SLC5A11: variants seen among roughly 807,000 people sequenced by gnomAD.
SLC5A11 encodes sodium/myo-inositol cotransporter 2.
Under a neutral mutation model 69.8 loss-of-function variants are expected in SLC5A11, and 48 were observed. The observed-to-expected ratio is 0.69, with a 90% CI of 0.55 to 0.87. SLC5A11 has a LOEUF of 0.87. Among genes scored for constraint, SLC5A11 ranks in the 40% least tolerant of loss-of-function variants. The pLI is 0.00. For synonymous variants in SLC5A11, 319 were observed against 342.4 expected (o/e 0.93, Z 0.75); for missense variants, 784 against 866.1 (o/e 0.91, Z 1.19).
chr16:24,858,694 T>C (rs769753788), exon 2 of SLC5A11: 35 of 1,611,834 alleles, frequency 2.2e-5, no homozygotes, highest in Non-Finnish European at 2.7e-5. Context: ...ATCCCCTGGA[T>C]GCGTTTCCCC....
At chr16:24,880,553 C>T (rs980572328) in intron 7 of SLC5A11, among the ~76,000 whole-genome samples, 4 of 152,104 alleles carry the variant, frequency 2.6e-5, no homozygotes, top group African/African-American at 9.7e-5. Context: ...AGGCTGGTTT[C>T]GAACTCCCAT....
rs758043602 is a variant in SLC5A11, at chr16:24,911,425, A to C, written c.1920A>C (p.Glu640Asp). The change falls in exon 16 of 16, where the codon GAA becomes GAC. Residue 640 changes from glutamate (E) to aspartate (D), a missense_variant. By Grantham distance (45) the Glu-to-Asp change is conservative. Around this residue, in one of 3 missense-constraint regions of SLC5A11, gnomAD observed 550 missense variants for 606.4 expected, o/e 0.91. Transcript: ENST00000347898. ...AGGAAGAGCTCCCGGCCAGAGCAGAAGCCATCATAGTTTCCCTGGAAGAAA... is the reference window on the plus strand; with the variant it reads ...AGGAAGAGCTCCCGGCCAGAGCAGACGCCATCATAGTTTCCCTGGAAGAAA... The C allele has an allele frequency of 6.2e-6, 10 of 1,613,978 alleles. No homozygotes were observed. The African/African-American group carries it at 1.3e-4, about 22-fold the overall frequency.
chr16:24,879,250 G>C (rs1407265825), intron 7 of SLC5A11, among the ~76,000 whole-genome samples: 1 of 151,822 alleles, frequency 6.6e-6, no homozygotes, highest in Non-Finnish European at 1.5e-5. Flanking sequence ...GGTACATGCA[G>C]GTTTGTTAAT....
At chr16:24,904,901 C>T (rs947802498) in intron 10 of SLC5A11, among the ~76,000 whole-genome samples, 1 of 152,108 alleles carries the variant, frequency 6.6e-6, no homozygotes, top group Non-Finnish European at 1.5e-5. Context: ...TTAAGCTCCA[C>T]GTGCATTAGG....
At chr16:24,900,263 A>G (rs1413214954) in intron 10 of SLC5A11, among the ~76,000 whole-genome samples, 1 of 152,222 alleles carries the variant, frequency 6.6e-6, no homozygotes, top group African/African-American at 2.4e-5. Flanking sequence ...TGGAAAGCAG[A>G]AAGTTTCCTC....
intron 1 of SLC5A11, among the ~76,000 whole-genome samples, chr16:24,850,255 C>T (rs553070978): frequency 6.6e-6 from 1 of 152,322 alleles, no homozygotes; most frequent in East Asian, 1.9e-4. Flanking sequence ...CAGCCAGGAT[C>T]TGTCTTTTTG....
Position 24,877,412 on chromosome 16 carries a change from T to C in SLC5A11, c.583+49T>C, listed in dbSNP as rs145866392. On this transcript the variant is annotated intron_variant, in intron 7 of 15. Transcript: ENST00000347898. ...CCTAGCAGAGGCAGTGGGCAGGGGCTGTGGGCCACTCTACCTTCTCCTTGC... is the reference window on the plus strand; with the variant it reads ...CCTAGCAGAGGCAGTGGGCAGGGGCCGTGGGCCACTCTACCTTCTCCTTGC... 1,052 of 1,396,620 alleles carry C rather than the reference T, an allele frequency of 7.5e-4. 12 individuals are homozygous for C. In the East Asian group the frequency reaches 0.021, roughly 28 times the overall value. 86.5% of individuals were successfully genotyped at this position (1,396,620 alleles called of 1,614,324 possible).
At chr16:24,892,586 C>T (rs1490547234) in intron 9 of SLC5A11, among the ~76,000 whole-genome samples, 3 of 151,814 alleles carry the variant, frequency 2.0e-5, no homozygotes, top group African/African-American at 7.3e-5. Context: ...GAATGAGAGC[C>T]GATTTACTGC....
At chr16:24,906,690 A>G in exon 11 of SLC5A11, 1 of 1,613,242 alleles carries the variant, frequency 6.2e-7, no homozygotes, top group Non-Finnish European at 8.5e-7. Flanking sequence ...GAGATCTGCC[A>G]GAAGATCTGC....
At chr16:24,881,852 G>C (rs563446635) in intron 7 of SLC5A11, among the ~76,000 whole-genome samples, 1 of 152,254 alleles carries the variant, frequency 6.6e-6, no homozygotes, top group Admixed American at 6.5e-5. Context: ...CTGGTGGTAA[G>C]AGTGGGATTG....
intron 9 of SLC5A11, among the ~76,000 whole-genome samples, chr16:24,892,484 T>C (rs1326247174): frequency 1.3e-5 from 2 of 151,250 alleles, no homozygotes; most frequent in Non-Finnish European, 2.9e-5. Flanking sequence ...ATATTTGCAT[T>C]TGCTTATATG....
chr16:24,888,427 G>GA (rs140636300), intron 8 of SLC5A11, among the ~76,000 whole-genome samples: 5,736 of 143,174 alleles, frequency 0.04, 378 homozygotes, highest in African/African-American at 0.14. Flanking sequence ...TAGTGATTTA[G>GA]AAAAAAGAAG....
intron 1 of SLC5A11, among the ~76,000 whole-genome samples, chr16:24,855,352 A>C (rs1159049869): frequency 1.3e-5 from 2 of 151,352 alleles, no homozygotes; most frequent in Non-Finnish European, 2.9e-5. Flanking sequence ...TTATAATCCC[A>C]GCACTTTGAG....
In SLC5A11 at chr16:24,872,015, G is replaced by C. The variant is rs1279622212; in HGVS notation, c.313-145G>C. ...CCATGTTAAAAAAGGAAATTTGAAG[G>C]CCAGCACAGGTGAACCACTCAGCGA... On this transcript the variant is annotated intron_variant, in intron 4 of 15. Transcript: ENST00000347898. 7.9e-6 allele frequency: 7 copies of C among 888,082 alleles called. No homozygotes were observed. In the Admixed American group the frequency reaches 1.4e-4, roughly 18 times the overall value. The allele number at this position is 888,082 out of a possible 1,614,324, so 55.0% of individuals were successfully genotyped here.
At position 24,859,496 on chromosome 16, in the gene SLC5A11, C is replaced by T. The variant is rs2059672696; in HGVS notation, c.135+718C>T. Among the ~76,000 whole-genome samples, 2 of 152,108 alleles carry T rather than the reference C, an allele frequency of 1.3e-5. 1 individual carries two copies. Among genetic ancestry groups the T allele is most frequent in the South Asian group, 4.1e-4 (2 of 4,832 alleles). On this transcript the variant is annotated intron_variant, in intron 2 of 15. Transcript: ENST00000347898. ...TCACATGGCTCACAAATAAAAATCACTTATGACAAGCGATGAAAAATCTCA... is the reference window on the plus strand; with the variant it reads ...TCACATGGCTCACAAATAAAAATCATTTATGACAAGCGATGAAAAATCTCA...
intron 7 of SLC5A11, among the ~76,000 whole-genome samples, chr16:24,879,517 A>AC (rs1379223122): frequency 2.0e-5 from 3 of 152,184 alleles, no homozygotes; most frequent in South Asian, 2.1e-4. Context: ...TGGGAAGATC[A>AC]CCTGAGGTCA....
intron 9 of SLC5A11, 40 bp from the exon 11 acceptor site, chr16:24,897,934 A>G (rs1362383781): frequency 1.2e-6 from 2 of 1,608,458 alleles, no homozygotes; most frequent in East Asian, 2.2e-5. Context: ...ACCAAACTAT[A>G]TCAGCATTCC....
chr16:24,910,431 C>A (rs766753764), exon 15 of SLC5A11: 7 of 1,614,002 alleles, frequency 4.3e-6, no homozygotes, highest in Non-Finnish European at 5.9e-6. Flanking sequence ...GCAGCAGCAG[C>A]GTCCAGTTCG....
At chr16:24,898,483 T>G (rs376763187) in intron 10 of SLC5A11, among the ~76,000 whole-genome samples, 11 of 151,798 alleles carry the variant, frequency 7.2e-5, no homozygotes, top group African/African-American at 2.7e-4. Flanking sequence ...GTGCTGAGAT[T>G]GCAGGTGTGA....
Sources: allele counts gnomAD v4.1 joint callset (sites outside exome capture counted in the v4.1 genomes callset), GRCh38; gene constraint gnomAD v4.1.1; regional missense constraint gnomAD v4.1.1; transcripts MANE v1.5; gene names NCBI Gene and HGNC (gene_info 2026-07-23, HGNC 2026-07-21).